Variants in PRKAR1B observed in about 807,000 individuals in gnomAD.
PRKAR1B encodes protein kinase cAMP-dependent type I regulatory subunit beta.
Under a neutral mutation model 46.5 loss-of-function variants are expected in PRKAR1B, and 22 were observed. That is an observed-to-expected ratio of 0.47 (90% confidence interval 0.34 to 0.68). The LOEUF is 0.68. PRKAR1B is among the 30% of genes least tolerant of loss of function. The pLI, the probability that PRKAR1B is intolerant of heterozygous loss-of-function variation, is 0.01. For synonymous variants in PRKAR1B, 259 were observed against 217.7 expected (o/e 1.19, Z -1.67); for missense variants, 445 against 535.6 (o/e 0.83, Z 1.67).
chr7:680,764 C>A (rs374993838), intron 2 of PRKAR1B, 38 bp from the exon 3 acceptor site: 3 of 1,612,020 alleles, frequency 1.9e-6, no homozygotes, highest in Non-Finnish European at 2.5e-6. Context: ...GAAGTAAGAA[C>A]CTGGCTGTCC....
At chr7:691,028 C>T (rs1220817871) in intron 2 of PRKAR1B, among the ~76,000 whole-genome samples, 2 of 149,610 alleles carry the variant, frequency 1.3e-5, no homozygotes, top group African/African-American at 2.5e-5. Flanking sequence ...CTGGCCAGTC[C>T]GCTGCAAATC....
intron 4 of PRKAR1B, among the ~76,000 whole-genome samples, chr7:668,186 G>C (rs1164428363): frequency 6.6e-6 from 1 of 152,226 alleles, no homozygotes; most frequent in Non-Finnish European, 1.5e-5. Flanking sequence ...GGGAAGCAGA[G>C]AGAAGAAGAG....
chr7:606,151 C>A (rs1467372752), intron 6 of PRKAR1B, 42 bp downstream of exon 6: 2 of 1,606,070 alleles, frequency 1.2e-6, no homozygotes, highest in East Asian at 2.2e-5. Flanking sequence ...ACCGGACATG[C>A]AAAGACGCGC....
chr7:684,959 C>T (rs73047913), intron 2 of PRKAR1B, among the ~76,000 whole-genome samples: 21,009 of 151,520 alleles, frequency 0.14, 1,728 homozygotes, highest in African/African-American at 0.22. Flanking sequence ...CAATATCTAG[C>T]TCTAAAATAC....
rs1348488998 is a variant in PRKAR1B at position 560,649 on chromosome 7, C to T, written c.892-9179G>A. Among the ~76,000 whole-genome samples, 1 of 152,154 alleles carries T rather than the reference C, an allele frequency of 6.6e-6. No individual in the cohort carries two copies. Among genetic ancestry groups the T allele is most frequent in the Non-Finnish European group, 1.5e-5 (1 of 68,024 alleles). ...GAGTCTGGGTCCAGCCTCAGCTCTG[C>T]AATGCACCAGCCAGTCTCAGGCAAG... On this transcript the variant is annotated intron_variant, in intron 9 of 10. Coordinates refer to ENST00000537384, the MANE Select transcript of PRKAR1B (RefSeq NM_001164760.2). This position sits in a 1 kb window ranked among gnomAD's most constrained non-coding sequence, Gnocchi z 4.2.
intron 9 of PRKAR1B, among the ~76,000 whole-genome samples, chr7:563,667 G>T (rs1020671020): frequency 6.6e-6 from 1 of 152,180 alleles, no homozygotes; most frequent in Non-Finnish European, 1.5e-5. Context: ...GTGTGAGCAT[G>T]TGTGCACGTG....
At chr7:704,573 C>T (rs1478688759) in intron 2 of PRKAR1B, among the ~76,000 whole-genome samples, 3 of 151,902 alleles carry the variant, frequency 2.0e-5, no homozygotes, top group Admixed American at 2.0e-4. Context: ...GTCAGGAGTT[C>T]GAGAGCAGCC....
At chr7:557,931 C>T (rs1403430714) in intron 9 of PRKAR1B, among the ~76,000 whole-genome samples, 3 of 152,126 alleles carry the variant, frequency 2.0e-5, no homozygotes, top group African/African-American at 4.8e-5. Flanking sequence ...GAGGAGACGC[C>T]GCAGAACGTC....
At chr7:591,807 G>A (rs894389351) in intron 7 of PRKAR1B, among the ~76,000 whole-genome samples, 11 of 152,180 alleles carry the variant, frequency 7.2e-5, no homozygotes, top group African/African-American at 2.7e-4. Context: ...GGCCCCAGAT[G>A]GCTGCAACAC....
Position 602,278 on chromosome 7 carries a change from G to A in PRKAR1B, c.549+3915C>T, listed in dbSNP as rs976360433. On this transcript the variant is annotated intron_variant, in intron 6 of 10. Coordinates refer to ENST00000537384, the MANE Select transcript of PRKAR1B (RefSeq NM_001164760.2). The surrounding 1 kb of genome is among the most constrained non-coding windows in gnomAD (Gnocchi z 6.4). ...TGTCATGTATGAAGGAGTTACAGAC[G>A]GCGGCGGGGGGAGGGGGGGTCTGTC... 1.6e-4 allele frequency among the ~76,000 whole-genome samples: 15 copies of A among 95,530 alleles called. No homozygotes were observed. Among genetic ancestry groups the A allele is most frequent in the Non-Finnish European group, 2.7e-4 (12 of 44,478 alleles). The allele number at this position is 95,530 out of a possible 152,430, so 62.7% of individuals were successfully genotyped here.
chr7:563,432 C>T (rs1778930393), intron 9 of PRKAR1B, among the ~76,000 whole-genome samples: 1 of 152,300 alleles, frequency 6.6e-6, no homozygotes, highest in South Asian at 2.1e-4. Context: ...GTCCACTCAG[C>T]AGGCGTCCAA....
intron 4 of PRKAR1B, among the ~76,000 whole-genome samples, chr7:641,782 AT>A (rs1261958181): frequency 6.6e-6 from 1 of 152,162 alleles, no homozygotes; most frequent in African/African-American, 2.4e-5. Context: ...TCACTGTGTT[AT>A]TTTTAGTCAC....
intron 2 of PRKAR1B, among the ~76,000 whole-genome samples, chr7:708,611 C>G (rs1197516473): frequency 6.6e-6 from 1 of 151,982 alleles, no homozygotes; most frequent in Non-Finnish European, 1.5e-5. Flanking sequence ...CTCAGCCTCC[C>G]AAGTAGTTGG....
At chr7:692,658 C>T (rs941014475) in intron 2 of PRKAR1B, among the ~76,000 whole-genome samples, 4 of 152,100 alleles carry the variant, frequency 2.6e-5, no homozygotes, top group South Asian at 2.1e-4. Flanking sequence ...TGCAGTCGCC[C>T]GGGAGAAACA....
intron 4 of PRKAR1B, among the ~76,000 whole-genome samples, chr7:628,124 G>A (rs747013749): frequency 9.2e-5 from 14 of 152,156 alleles, no homozygotes; most frequent in Non-Finnish European, 1.5e-4. Flanking sequence ...AGCCATCCAC[G>A]GCCACGCGGC....
chr7:665,712 T>C (rs1033514232), intron 4 of PRKAR1B, among the ~76,000 whole-genome samples: 1 of 152,128 alleles, frequency 6.6e-6, no homozygotes, highest in African/African-American at 2.4e-5. Context: ...AAGCAGAAAG[T>C]CCCAAAGCCC....
At chr7:567,849 G>A (rs1277018886) in intron 9 of PRKAR1B, among the ~76,000 whole-genome samples, 1 of 152,112 alleles carries the variant, frequency 6.6e-6, no homozygotes, top group Non-Finnish European at 1.5e-5. Context: ...AAAGGAGAAG[G>A]GTGGTTCTAC....
chr7:588,564 ATGT>A lies in PRKAR1B; in HGVS notation c.709-3999_709-3997del, dbSNP rs1280544319. On this transcript the variant is annotated intron_variant, in intron 7 of 10. Transcript: ENST00000537384. ...GGTGGTGACGGTGGTGATGGTGGTGATGTTGGTGAGGATAGTGACAGTGGTGAT... is the reference window on the plus strand; with the variant it reads ...GGTGGTGACGGTGGTGATGGTGGTGATGGTGAGGATAGTGACAGTGGTGAT... Among the ~76,000 whole-genome samples the A allele has an allele frequency of 1.6e-4, 5 of 31,318 alleles. No homozygotes were observed. In the East Asian group the frequency reaches 0.016, roughly 103 times the overall value. 20.5% of individuals were successfully genotyped at this position (31,318 alleles called of 152,430 possible).
intron 7 of PRKAR1B, among the ~76,000 whole-genome samples, chr7:588,603 ATGG>A (rs1780754859): frequency 8.4e-5 from 1 of 11,866 alleles, no homozygotes; most frequent in African/African-American, 3.8e-4. Flanking sequence ...GACGGTGGTG[ATGG>A]TGATGGTGGT....
Sources: allele counts gnomAD v4.1 joint callset (sites outside exome capture counted in the v4.1 genomes callset), GRCh38; gene constraint gnomAD v4.1.1; non-coding constraint Gnocchi (gnomAD v3.1); transcripts MANE v1.5; gene names NCBI Gene and HGNC (gene_info 2026-07-23, HGNC 2026-07-21).